SGMS1: variants seen among roughly 807,000 people sequenced by gnomAD.
The protein encoded by SGMS1 is sphingomyelin synthase 1.
Under a neutral mutation model 46.2 loss-of-function variants are expected in SGMS1, and 13 were observed. That is an observed-to-expected ratio of 0.28 (90% CI 0.18 to 0.45). The LOEUF (loss-of-function observed/expected upper bound fraction) is 0.45, where lower values mean the gene tolerates loss of function less well. SGMS1 is among the 20% of genes least tolerant of loss of function. SGMS1 has a pLI of 1.00. For missense variants in SGMS1, 324 were observed against 519.9 expected (o/e 0.62, Z 3.66); for synonymous variants, 203 against 187.8 (o/e 1.08, Z -0.66).
chr10:50,521,305 A>C (rs905393290), intron 2 of SGMS1, among the ~76,000 whole-genome samples: 1 of 152,072 alleles, frequency 6.6e-6, no homozygotes, highest in African/African-American at 2.4e-5. Flanking sequence ...CTCACTGTCC[A>C]TTCATTCATT....
chr10:50,541,788 C>T, intron 2 of SGMS1, among the ~76,000 whole-genome samples: 1 of 152,178 alleles, frequency 6.6e-6, no homozygotes, highest in East Asian at 1.9e-4. Context: ...TTACAATTAG[C>T]ACCAAATTGC....
At chr10:50,387,106 A>G (rs1470873349) in intron 6 of SGMS1, among the ~76,000 whole-genome samples, 1 of 152,106 alleles carries the variant, frequency 6.6e-6, no homozygotes, top group Non-Finnish European at 1.5e-5. Flanking sequence ...TGAGTAGTGC[A>G]CCTCCAACTG....
intron 3 of SGMS1, among the ~76,000 whole-genome samples, chr10:50,484,124 A>G (rs1179995355): frequency 1.3e-5 from 2 of 152,060 alleles, no homozygotes; most frequent in African/African-American, 4.8e-5. Context: ...TTTTGAAAAT[A>G]TTAATAAAAT....
At chr10:50,565,692 C>T (rs184039087) in intron 2 of SGMS1, among the ~76,000 whole-genome samples, 60 of 152,320 alleles carry the variant, frequency 3.9e-4, no homozygotes, top group African/African-American at 1.3e-3. Flanking sequence ...CAGATGCCTC[C>T]ATCTTCTTCC....
chr10:50,368,684 C>T (rs949540933), intron 6 of SGMS1, among the ~76,000 whole-genome samples: 12 of 152,210 alleles, frequency 7.9e-5, no homozygotes, highest in Non-Finnish European at 1.0e-4. Flanking sequence ...GCTTTCTTCT[C>T]TCACTTCCAT....
intron 6 of SGMS1, among the ~76,000 whole-genome samples, chr10:50,372,461 G>A (rs2688876): frequency 0.12 from 18,715 of 152,138 alleles, 1,315 homozygotes; most frequent in Middle Eastern, 0.22. Flanking sequence ...TTGGGAGGCC[G>A]GGGAGGGTGG....
rs193251392 is a variant in SGMS1, at chr10:50,604,514, G to A, written c.-683-14267C>T. Reference sequence around the variant, plus strand: ...AGCTCACTGCACTTGAAATTTTAACGGCACAAAAGAACCGCAATTATCTTT... The same window carrying A: ...AGCTCACTGCACTTGAAATTTTAACAGCACAAAAGAACCGCAATTATCTTT... On this transcript the variant is annotated intron_variant, in intron 1 of 10. Coordinates refer to ENST00000361781, the MANE Select transcript of SGMS1 (RefSeq NM_147156.4). 1.7e-3 allele frequency among the ~76,000 whole-genome samples: 266 copies of A among 152,232 alleles called. 4 individuals are homozygous for A. The highest frequency in any genetic ancestry group is 0.012 in the East Asian group (61 of 5,190).
rs535710976 is a variant in SGMS1 at position 50,355,964 on chromosome 10, C to G, written c.-231-11619G>C. Among the ~76,000 whole-genome samples the G allele has an allele frequency of 4.2e-3, 644 of 152,194 alleles. 1 individual carries two copies. The highest frequency in any genetic ancestry group is 7.5e-3 in the Non-Finnish European group (512 of 68,014). ...GGTAAGGAGCATCTCTGACCGGCCGCCCCGTCTGAGAAGTGAGGAGCCCCT... is the reference window on the plus strand; with the variant it reads ...GGTAAGGAGCATCTCTGACCGGCCGGCCCGTCTGAGAAGTGAGGAGCCCCT... On this transcript the variant is annotated intron_variant, in intron 6 of 10. Coordinates refer to ENST00000361781, the MANE Select transcript of SGMS1 (RefSeq NM_147156.4).
intron 6 of SGMS1, among the ~76,000 whole-genome samples, chr10:50,398,854 G>A (rs559415305): frequency 1.0e-3 from 156 of 152,098 alleles, no homozygotes; most frequent in Non-Finnish European, 1.9e-3. Flanking sequence ...GACAGTTCTA[G>A]CTAGGAGTTG....
chr10:50,603,806 T>C (rs1838670439), intron 1 of SGMS1, among the ~76,000 whole-genome samples: 1 of 152,210 alleles, frequency 6.6e-6, no homozygotes. Flanking sequence ...TTTAAACACT[T>C]GTGACTGTGA....
chr10:50,395,527 T>A (rs569128109), intron 6 of SGMS1, among the ~76,000 whole-genome samples: 1 of 152,334 alleles, frequency 6.6e-6, no homozygotes, highest in Admixed American at 6.5e-5. Flanking sequence ...CCAAACCTGC[T>A]TGTTTCCATT....
chr10:50,526,519 C>G (rs1837902847), intron 2 of SGMS1, among the ~76,000 whole-genome samples: 1 of 152,094 alleles, frequency 6.6e-6, no homozygotes. Flanking sequence ...GGGATAAGAC[C>G]AATGCAAATT....
At chr10:50,419,565 T>C (rs1262174578) in intron 6 of SGMS1, among the ~76,000 whole-genome samples, 1 of 152,194 alleles carries the variant, frequency 6.6e-6, no homozygotes, top group Non-Finnish European at 1.5e-5. Flanking sequence ...GTAAGAGTGA[T>C]TTGTGGAAAT....
At chr10:50,467,483 G>A (rs1837341112) in intron 3 of SGMS1, among the ~76,000 whole-genome samples, 1 of 152,118 alleles carries the variant, frequency 6.6e-6, no homozygotes, top group Non-Finnish European at 1.5e-5. Context: ...TTTATTTCAT[G>A]AAAGACTTTC....
chr10:50,311,548 A>C, intron 8 of SGMS1, 133 bp from the exon 9 acceptor site: 4 of 453,426 alleles, frequency 8.8e-6, no homozygotes, highest in Non-Finnish European at 1.3e-5. Flanking sequence ...AAGTTTGCCC[A>C]CTCAGTGTTT....
At chr10:50,488,763 T>C (rs370141296) in intron 3 of SGMS1, among the ~76,000 whole-genome samples, 1 of 152,226 alleles carries the variant, frequency 6.6e-6, no homozygotes, top group African/African-American at 2.4e-5. Flanking sequence ...CTTTTTCCCA[T>C]AGTCAGTAAG....
chr10:50,458,981 A>AAG (rs1352861956), intron 5 of SGMS1, among the ~76,000 whole-genome samples: 4 of 152,188 alleles, frequency 2.6e-5, no homozygotes, highest in African/African-American at 9.7e-5. Flanking sequence ...AGCCAAAACT[A>AAG]AGTACTTGAA....
intron 3 of SGMS1, among the ~76,000 whole-genome samples, chr10:50,516,593 C>T (rs769465598): frequency 2.6e-5 from 4 of 151,992 alleles, no homozygotes; most frequent in African/African-American, 7.2e-5. Flanking sequence ...AAAAGAACCC[C>T]GGCAAAAGTG....
At chr10:50,527,861 G>A (rs1259762975) in intron 2 of SGMS1, among the ~76,000 whole-genome samples, 1 of 152,190 alleles carries the variant, frequency 6.6e-6, no homozygotes, top group East Asian at 1.9e-4. Flanking sequence ...TTAGAAGTCA[G>A]ACATGCCTGG....
Sources: allele counts gnomAD v4.1 joint callset (sites outside exome capture counted in the v4.1 genomes callset), GRCh38; gene constraint gnomAD v4.1.1; transcripts MANE v1.5; gene names NCBI Gene and HGNC (gene_info 2026-07-23, HGNC 2026-07-21).